The following NR3C1 variants were observed in gnomAD, a reference collection of about 807,000 sequenced individuals.
The protein encoded by NR3C1 is nuclear receptor subfamily 3 group C member 1.
NR3C1 carries 14 observed loss-of-function variants against 74.0 expected under a neutral mutation model. The observed-to-expected ratio is 0.19, with a 90% CI of 0.12 to 0.30. The LOEUF is 0.30. Among genes scored for constraint, NR3C1 ranks in the 10% least tolerant of loss-of-function variants. The probability of loss-of-function intolerance (pLI) is 1.00; values close to 1 mark genes in which losing one functional copy is unlikely to be tolerated. For synonymous variants in NR3C1, 308 were observed against 332.5 expected, an observed-to-expected ratio of 0.93 and a Z score of 0.80; for missense variants, 695 against 909.8, an observed-to-expected ratio of 0.76 and a Z score of 3.04.
chr5:143,370,528 G>A (rs1479393936), intron 2 of NR3C1, among the ~76,000 whole-genome samples: 4 of 152,252 alleles, frequency 2.6e-5, no homozygotes, highest in Non-Finnish European at 5.9e-5. Flanking sequence ...TTTTTAAACT[G>A]CATATTTACA....
intron 2 of NR3C1, among the ~76,000 whole-genome samples, chr5:143,321,822 T>C (rs1433798208): frequency 3.3e-5 from 5 of 152,222 alleles, no homozygotes; most frequent in Non-Finnish European, 7.3e-5. Context: ...GCTTCTAGAC[T>C]TCCTAAAACA....
chr5:143,431,267 T>G (rs561180364), intron 1 of NR3C1, among the ~76,000 whole-genome samples: 2 of 152,278 alleles, frequency 1.3e-5, no homozygotes, highest in Admixed American at 6.5e-5. Flanking sequence ...GAGAAAGGAC[T>G]GAAATCCTGC....
intron 2 of NR3C1, among the ~76,000 whole-genome samples, chr5:143,366,510 C>CAAAAAAAAAAAA (rs112519980): frequency 9.7e-6 from 1 of 102,920 alleles, no homozygotes; most frequent in Non-Finnish European, 1.9e-5. Flanking sequence ...AATTCTGCCT[C>CAAAAAAAAAAAA]AAAAAAAAAA....
At chr5:143,299,822 A>T (rs928737709) in intron 5 of NR3C1, among the ~76,000 whole-genome samples, 4 of 152,178 alleles carry the variant, frequency 2.6e-5, no homozygotes, top group African/African-American at 9.7e-5. Flanking sequence ...TTGCCCTGCT[A>T]TTCACACCTC....
chr5:143,279,530 C>CCAT lies in NR3C1; in HGVS notation c.*2356_*2358dup. ...AAAATTTATCCAGCCGGGTTACACACCATCTTAAAATATTACATTCCCTTT... is the reference window on the plus strand; with the variant it reads ...AAAATTTATCCAGCCGGGTTACACACCATCATCTTAAAATATTACATTCCCTTT... On this transcript the variant is annotated 3_prime_UTR_variant, in exon 9 of 9. Transcript: ENST00000394464. The CCAT allele has an allele frequency of 3.1e-6, 3 of 954,960 alleles. No individual in the cohort carries two copies. The highest frequency in any genetic ancestry group is 3.1e-5 in the East Asian group (1 of 32,096). 59.2% of individuals were successfully genotyped at this position (954,960 alleles called of 1,614,324 possible). A position where few individuals can be genotyped will look rare whatever the true frequency, so the allele number is the denominator to read the frequency against.
In NR3C1 at chr5:143,353,626, G is replaced by C. The variant is rs12109552; in HGVS notation, c.1185-39458C>G. Among the ~76,000 whole-genome samples the C allele has an allele frequency of 8.1e-3, 1,238 of 152,262 alleles. 15 individuals carry two copies. Among genetic ancestry groups the C allele is most frequent in the African/African-American group, 0.029 (1,196 of 41,548 alleles). The stretch of plus-strand genomic sequence containing the variant: ...CACTGTCAATGAACAGCAATATTTT[G>C]AAAGTAATCATTTTTTTCTGAGCAG... On this transcript the variant is annotated intron_variant, in intron 2 of 8. Coordinates refer to ENST00000394464, the MANE Select transcript of NR3C1 (RefSeq NM_000176.3).
At chr5:143,418,092 G>A (rs55915823) in intron 1 of NR3C1, among the ~76,000 whole-genome samples, 6,250 of 152,270 alleles carry the variant, frequency 0.041, 458 homozygotes, top group African/African-American at 0.14. Context: ...GATTTGCCAA[G>A]AAACCAGACT....
chr5:143,316,062 C>T (rs183582901), intron 2 of NR3C1, among the ~76,000 whole-genome samples: 54 of 152,338 alleles, frequency 3.5e-4, no homozygotes, highest in African/African-American at 1.2e-3. Context: ...GGCGAGTGGA[C>T]TGACTACACG....
chr5:143,384,232 C>T (rs906862829), intron 2 of NR3C1, among the ~76,000 whole-genome samples: 1 of 152,300 alleles, frequency 6.6e-6, no homozygotes, highest in Non-Finnish European at 1.5e-5. Flanking sequence ...TCAGTCACCT[C>T]CCACTAGGCC....
intron 5 of NR3C1, among the ~76,000 whole-genome samples, chr5:143,299,803 G>A (rs533763171): frequency 2.6e-5 from 4 of 152,160 alleles, no homozygotes; most frequent in Non-Finnish European, 5.9e-5. Context: ...AATGAGTTAA[G>A]CAAAACATTT....
chr5:143,435,314 G>A, exon 1 of NR3C1: 1 of 985,406 alleles, frequency 1.0e-6, no homozygotes, highest in Non-Finnish European at 1.2e-6. Flanking sequence ...CTAAGGTCCA[G>A]TGATTTGGTA....
At chr5:143,404,445 A>T (rs1381557108), upstream of NR3C1, 2 of 984,922 alleles carry the variant, frequency 2.0e-6, no homozygotes, top group African/African-American at 3.5e-5. Context: ...CCGGGTCTTC[A>T]GCTGCCGCCG....
intron 7 of NR3C1, among the ~76,000 whole-genome samples, chr5:143,289,491 C>CT (rs1477731591): frequency 6.6e-6 from 1 of 152,160 alleles, no homozygotes; most frequent in African/African-American, 2.4e-5. Context: ...AGTAGAAAAT[C>CT]TTTTTAACCC....
Position 143,300,744 on chromosome 5 carries a change from T to A in NR3C1, c.1488A>T (p.Lys496Asn), listed in dbSNP as rs773397597. The A allele has an allele frequency of 3.1e-6, 5 of 1,613,818 alleles. No homozygotes were observed. Among genetic ancestry groups the A allele is most frequent in the Non-Finnish European group, 3.4e-6 (4 of 1,179,902 alleles). ...TAGTGGCCTGCTGAATTCCTTTTAT[T>A]TTTTTCTTTGTTTTTCGAGCTGTGG... is the stretch of plus-strand genomic sequence containing the variant. ...MNLEARKTKKKIKGIQQATTG... is the reference protein window; with the variant it reads ...MNLEARKTKKNIKGIQQATTG... Residue 496 changes from lysine (K) to asparagine (N), a missense_variant, in exon 5 of 9, where the codon AAA (lysine) becomes AAT (asparagine). This residue lies in a region of NR3C1 where 42 missense variants were observed against 49.3 expected (regional missense o/e 0.85). Coordinates refer to ENST00000394464, the MANE Select transcript of NR3C1 (RefSeq NM_000176.3). This position sits in a 1 kb window ranked among gnomAD's most constrained non-coding sequence, Gnocchi z 5.2.
upstream of NR3C1, chr5:143,404,566 G>A: frequency 6.2e-6 from 6 of 964,080 alleles, no homozygotes; most frequent in Non-Finnish European, 7.3e-6. Context: ...GGCGGCAGAA[G>A]GAGGCGCCGC....
chr5:143,292,088 A>C (rs1319794276), intron 7 of NR3C1, among the ~76,000 whole-genome samples: 1 of 152,222 alleles, frequency 6.6e-6, no homozygotes, highest in Non-Finnish European at 1.5e-5. Context: ...GTGAGGTTTC[A>C]TGCTAATCTG....
intron 2 of NR3C1, among the ~76,000 whole-genome samples, chr5:143,382,699 C>A (rs1403596258): frequency 6.6e-6 from 1 of 152,170 alleles, no homozygotes; most frequent in Non-Finnish European, 1.5e-5. Context: ...GACCTAGTTT[C>A]CTCATATGAA....
chr5:143,415,354 G>T (rs2151957049), intron 1 of NR3C1, among the ~76,000 whole-genome samples: 1 of 152,216 alleles, frequency 6.6e-6, no homozygotes, highest in Non-Finnish European at 1.5e-5. Context: ...GAAGGGCAGG[G>T]GGAAGGGGAG....
chr5:143,393,136 C>T (rs1335506405), intron 2 of NR3C1, among the ~76,000 whole-genome samples: 3 of 152,136 alleles, frequency 2.0e-5, no homozygotes, highest in Non-Finnish European at 4.4e-5. Flanking sequence ...CTCTCGGGTG[C>T]TAACAGCAGC....
Sources: allele counts gnomAD v4.1 joint callset (sites outside exome capture counted in the v4.1 genomes callset), GRCh38; gene constraint gnomAD v4.1.1; regional missense constraint gnomAD v4.1.1; non-coding constraint Gnocchi (gnomAD v3.1); transcripts MANE v1.5; gene names NCBI Gene and HGNC (gene_info 2026-07-23, HGNC 2026-07-21).